Variants in DNAH17 observed in about 807,000 individuals in gnomAD.
The protein encoded by DNAH17 is dynein axonemal heavy chain 17, also known as axonemal beta dynein heavy chain 17.
Under a neutral mutation model 485.6 loss-of-function variants are expected in DNAH17, and 376 were observed. That is an observed-to-expected ratio of 0.77 (90% CI 0.71 to 0.84). DNAH17 has a LOEUF of 0.84. Ranked by LOEUF, DNAH17 falls within the 40% of genes least tolerant of loss-of-function variation. The probability of loss-of-function intolerance (pLI) is 0.00; values close to 1 mark genes in which losing one functional copy is unlikely to be tolerated. For synonymous variants in DNAH17, 3,031 were observed against 2,405.9 expected, an observed-to-expected ratio of 1.26 and a Z score of -7.60; for missense variants, 6,370 against 5,839.3, an observed-to-expected ratio of 1.09 and a Z score of -2.96.
Position 78,425,546 on chromosome 17 carries a change from A to G in DNAH17, c.12941T>C (p.Phe4314Ser). 9 of 1,612,800 alleles carry G rather than the reference A, an allele frequency of 5.6e-6. No individual in the cohort carries two copies. Among genetic ancestry groups the G allele is most frequent in the Non-Finnish European group, 6.8e-6 (8 of 1,179,300 alleles). Residue 4314 changes from phenylalanine (F) to serine (S), a missense_variant, in exon 80 of 81, where the codon TTT (phenylalanine) becomes TCT (serine). Phe to Ser is a radical substitution (Grantham distance 155). Transcript: ENST00000389840. ...IRELEAWTTD[F>S]ALPTTVWLAG... ...CAGCCACACGGTGGTGGGCAGGGCA[A>G]AGTCTGTCGTCCAGGCCTCGAGTTC...
chr17:78,480,660 G>A, intron 49 of DNAH17, 24 bp downstream of exon 49: 1 of 1,596,408 alleles, frequency 6.3e-7, no homozygotes, highest in Non-Finnish European at 8.6e-7. Context: ...GCAGGTGACG[G>A]GGATGAGTAT....
Position 78,572,863 on chromosome 17 carries a change from T to A in DNAH17, c.377A>T (p.Asn126Ile). The change falls in exon 3 of 81, where the codon AAC (asparagine) becomes ATC (isoleucine). Residue 126 changes from asparagine to isoleucine, a missense_variant. Coordinates refer to ENST00000389840, the MANE Select transcript of DNAH17 (RefSeq NM_173628.4). ...GACCACCTGGGGCCATCCAGCCATG[T>A]TCTCACTTTGGTTTAACAGAGAAGA... ...VLSSLLNQSE[N>I]MAGWPQVVSE... 1 of 1,613,908 alleles carries A rather than the reference T, an allele frequency of 6.2e-7. No homozygotes were observed.
At chr17:78,464,499 G>C (rs554876141) in intron 56 of DNAH17, among the ~76,000 whole-genome samples, 2 of 152,336 alleles carry the variant, frequency 1.3e-5, no homozygotes, top group East Asian at 3.9e-4. Context: ...GACCTCAAGT[G>C]ATCTGCCCGC....
chr17:78,495,138 C>G, intron 38 of DNAH17, 41 bp from the exon 39 acceptor site: 1 of 1,546,402 alleles, frequency 6.5e-7, no homozygotes, highest in Non-Finnish European at 8.7e-7. Flanking sequence ...TGCCCACTCC[C>G]TCCCCAACCT....
Position 78,434,294 on chromosome 17 carries a change from A to G in DNAH17, c.12034-74T>C. ...CACAGAAATGCCCCTGAGGGTGACC[A>G]GCGTCCAGCCCTTGCCAGATGCTTT... On this transcript the variant is annotated intron_variant, in intron 74 of 80. Transcript: ENST00000389840. 2.8e-6 allele frequency: 4 copies of G among 1,434,374 alleles called. No homozygotes were observed. The Admixed American group carries it at 8.1e-5, about 29-fold the overall frequency. The allele number at this position is 1,434,374 out of a possible 1,614,324, so 88.9% of individuals were successfully genotyped here.
Position 78,575,085 on chromosome 17 carries a change from G to A in DNAH17, c.-25-3C>T. The A allele has an allele frequency of 1.3e-6, 2 of 1,569,002 alleles. No individual in the cohort carries two copies. Among genetic ancestry groups the A allele is most frequent in the South Asian group, 1.2e-5 (1 of 86,386 alleles). On this transcript the variant is annotated splice_region_variant and splice_polypyrimidine_tract_variant and intron_variant, in intron 1 of 80. Transcript: ENST00000389840. The stretch of plus-strand genomic sequence containing the variant: ...TGGCCTTTCCTTACACTGTGTATCT[G>A]TTAAGAGTGCAAGAAACAGGTACGA...
intron 67 of DNAH17, 47 bp downstream of exon 67, chr17:78,450,635 C>T (rs780013532): frequency 1.3e-6 from 2 of 1,584,430 alleles, no homozygotes; most frequent in Admixed American, 1.8e-5. Flanking sequence ...CGTGGCCCAG[C>T]CTCCCAAGCC....
At chr17:78,516,340 C>T (rs186477198) in intron 25 of DNAH17, among the ~76,000 whole-genome samples, 4 of 152,260 alleles carry the variant, frequency 2.6e-5, no homozygotes, top group South Asian at 2.1e-4. Flanking sequence ...CATGGGAAAG[C>T]GTATATCCCA....
intron 14 of DNAH17, among the ~76,000 whole-genome samples, chr17:78,554,405 C>G (rs746324748): frequency 5.7e-4 from 71 of 125,480 alleles, no homozygotes; most frequent in Non-Finnish European, 9.3e-4. Flanking sequence ...CCACTGCACT[C>G]CAGCCTGGAC....
At chr17:78,430,802 G>A (rs1238447819) in intron 75 of DNAH17, among the ~76,000 whole-genome samples, 3 of 152,002 alleles carry the variant, frequency 2.0e-5, no homozygotes, top group East Asian at 1.9e-4. Context: ...GGCTGGTCTC[G>A]AACTCCTGAC....
At chr17:78,433,149 T>C (rs1477608457) in intron 75 of DNAH17, among the ~76,000 whole-genome samples, 1 of 152,190 alleles carries the variant, frequency 6.6e-6, no homozygotes, top group East Asian at 1.9e-4. Context: ...TATAGGGGTG[T>C]GCACCGCCCT....
Position 78,457,680 on chromosome 17 carries a change from T to A in DNAH17, c.9977+885A>T, listed in dbSNP as rs866762403. On this transcript the variant is annotated intron_variant, in intron 62 of 80. Coordinates refer to ENST00000389840, the MANE Select transcript of DNAH17 (RefSeq NM_173628.4). The stretch of plus-strand genomic sequence containing the variant: ...GGCTTTTTTTTTTTTTTTTTTTTTT[T>A]AGACAGTTTTACTCTTGTCACCCAG... 9.2e-4 allele frequency among the ~76,000 whole-genome samples: 81 copies of A among 87,918 alleles called. 1 individual carries two copies. Among genetic ancestry groups the A allele is most frequent in the South Asian group, 1.5e-3 (4 of 2,636 alleles). 57.7% of individuals were successfully genotyped at this position (87,918 alleles called of 152,430 possible).
intron 11 of DNAH17, among the ~76,000 whole-genome samples, chr17:78,562,852 G>C (rs554282825): frequency 3.6e-4 from 55 of 152,318 alleles, no homozygotes; most frequent in Middle Eastern, 3.4e-3. Context: ...CAGACCAAGT[G>C]GGAGGGGGAC....
intron 19 of DNAH17, among the ~76,000 whole-genome samples, chr17:78,533,392 C>T (rs537227201): frequency 6.6e-6 from 1 of 152,134 alleles, no homozygotes; most frequent in Non-Finnish European, 1.5e-5. Flanking sequence ...GATGGGTAGA[C>T]AAGGAGCAAG....
chr17:78,491,622 A>G (rs1568144651), intron 42 of DNAH17, 52 bp from the exon 43 acceptor site: 1 of 1,575,992 alleles, frequency 6.3e-7, no homozygotes, highest in Non-Finnish European at 8.6e-7. Context: ...GCCCCATTCC[A>G]GTCCCCACCA....
At chr17:78,549,866 G>C (rs548895582) in intron 16 of DNAH17, among the ~76,000 whole-genome samples, 1 of 152,324 alleles carries the variant, frequency 6.6e-6, no homozygotes, top group East Asian at 1.9e-4. Context: ...GGCCCCTGCT[G>C]AAGATTCAGA....
chr17:78,505,167 A>G, intron 31 of DNAH17, 126 bp downstream of exon 31: 1 of 1,254,344 alleles, frequency 8.0e-7, no homozygotes, highest in Admixed American at 2.3e-5. Flanking sequence ...AGAGGAGAGG[A>G]GCAGGGGCGG....
chr17:78,452,683 A>G (rs537617780), intron 65 of DNAH17, among the ~76,000 whole-genome samples: 1 of 152,368 alleles, frequency 6.6e-6, no homozygotes, highest in South Asian at 2.1e-4. Context: ...GGCTGCAGTG[A>G]GCAGAGATCG....
intron 69 of DNAH17, among the ~76,000 whole-genome samples, chr17:78,448,895 A>C (rs1217475505): frequency 6.6e-6 from 1 of 152,180 alleles, no homozygotes; most frequent in Admixed American, 6.5e-5. Context: ...ATGAGAAATA[A>C]ATTTCTATTG....
Sources: gnomAD v4.1 joint callset for allele counts (sites outside exome capture counted in the v4.1 genomes callset) on GRCh38, gnomAD v4.1.1 for gene constraint, MANE v1.5 for transcripts, NCBI Gene and HGNC (gene_info 2026-07-23, HGNC 2026-07-21) for gene names.